Variants in RNF216 observed in about 807,000 individuals in gnomAD.
The protein encoded by RNF216 is E3 ubiquitin-protein ligase RNF216.
A neutral mutation model predicts 110.8 loss-of-function variants in RNF216; 72 were observed. That is an observed-to-expected ratio of 0.65 (90% CI 0.54 to 0.79). RNF216 has a LOEUF of 0.79. Ranked by LOEUF, RNF216 falls within the 30% of genes least tolerant of loss-of-function variation. The pLI, the probability that RNF216 is intolerant of heterozygous loss-of-function variation, is 0.00. For missense variants in RNF216, 1,342 were observed against 1,141.2 expected (o/e 1.18, Z -2.54); for synonymous variants, 495 against 407.5 (o/e 1.21, Z -2.59).
rs189551518 is a variant in RNF216, at chr7:5,780,656, G to C, written c.-70+885C>G. ...GGAGGCAGAGCTTGCAGTGAGCCGGGATCGCGCCACTGCACTCCAGCCTGG... is the reference window on the plus strand; with the variant it reads ...GGAGGCAGAGCTTGCAGTGAGCCGGCATCGCGCCACTGCACTCCAGCCTGG... On this transcript the variant is annotated intron_variant, in intron 1 of 16. Coordinates refer to ENST00000389902, the MANE Select transcript of RNF216 (RefSeq NM_207111.4). Among the ~76,000 whole-genome samples, 230 of 152,008 alleles carry C rather than the reference G, an allele frequency of 1.5e-3. 3 individuals carry two copies. In the East Asian group the frequency reaches 0.033, roughly 22 times the overall value.
intron 2 of RNF216, chr7:5,760,658 C>T (rs987040980): frequency 1.5e-5 from 5 of 341,958 alleles, no homozygotes; most frequent in East Asian, 7.5e-5. Flanking sequence ...GCAACACCTG[C>T]AGTATTTCAG....
At chr7:5,745,547 T>A (rs1173652096) in intron 3 of RNF216, among the ~76,000 whole-genome samples, 1 of 151,810 alleles carries the variant, frequency 6.6e-6, no homozygotes, top group African/African-American at 2.4e-5. Context: ...AAATTAAGAG[T>A]CAACTGAAAA....
chr7:5,638,474 C>G (rs771332201), intron 15 of RNF216, among the ~76,000 whole-genome samples: 13 of 152,108 alleles, frequency 8.5e-5, no homozygotes, highest in Non-Finnish European at 1.9e-4. Flanking sequence ...GATCTGTACA[C>G]AGTAACTGCC....
intron 13 of RNF216, among the ~76,000 whole-genome samples, chr7:5,674,023 A>G (rs940306242): frequency 4.7e-5 from 7 of 150,018 alleles, no homozygotes; most frequent in Non-Finnish European, 7.4e-5. Context: ...CCATGCCTGG[A>G]TAATTTTCAA....
chr7:5,713,754 G>A (rs977066288), intron 11 of RNF216, among the ~76,000 whole-genome samples: 3 of 152,120 alleles, frequency 2.0e-5, no homozygotes, highest in Non-Finnish European at 4.4e-5. Context: ...GGAAAAAGAC[G>A]ACATTTTAAA....
intron 7 of RNF216, among the ~76,000 whole-genome samples, chr7:5,728,531 G>A (rs150686204): frequency 6.6e-6 from 1 of 151,246 alleles, no homozygotes; most frequent in South Asian, 2.1e-4. Flanking sequence ...CCGAGATTAG[G>A]CCACTGCACT....
At chr7:5,781,358 G>T (rs1460147643) in intron 1 of RNF216, among the ~76,000 whole-genome samples, 183 bp downstream of exon 1, 2 of 151,938 alleles carry the variant, frequency 1.3e-5, no homozygotes, top group Non-Finnish European at 2.9e-5. Flanking sequence ...GGCTCGAGAC[G>T]CCCAGCCCAG....
intron 3 of RNF216, among the ~76,000 whole-genome samples, chr7:5,744,051 G>A (rs1036766029): frequency 6.6e-6 from 1 of 152,154 alleles, no homozygotes; most frequent in African/African-American, 2.4e-5. Flanking sequence ...AACAAGAGAA[G>A]TAACAGACAA....
At chr7:5,638,490 T>C (rs940144468) in intron 15 of RNF216, among the ~76,000 whole-genome samples, 2 of 152,192 alleles carry the variant, frequency 1.3e-5, no homozygotes, top group South Asian at 4.1e-4. Context: ...CTGCCCACTA[T>C]GCCCAATTAC....
rs1371312347 is a variant in RNF216, at chr7:5,624,945, C to T, written c.2383-820G>A. On this transcript the variant is annotated intron_variant, in intron 15 of 16. Transcript: ENST00000389902. The surrounding 1 kb of genome is among the most constrained non-coding windows in gnomAD (Gnocchi z 4.4). Reference sequence around the variant, plus strand: ...GGCTGCTGCCTCAGGACAGACCACCCGTGATGCCTGCTTCATGAGTGGCGC... The same window carrying T: ...GGCTGCTGCCTCAGGACAGACCACCTGTGATGCCTGCTTCATGAGTGGCGC... 2.0e-5 allele frequency among the ~76,000 whole-genome samples: 3 copies of T among 152,210 alleles called. No individual in the cohort carries two copies. The highest frequency in any genetic ancestry group is 6.5e-5 in the Admixed American group (1 of 15,274).
At chr7:5,656,044 G>A (rs1159069641) in intron 13 of RNF216, among the ~76,000 whole-genome samples, 4 of 152,122 alleles carry the variant, frequency 2.6e-5, no homozygotes, top group African/African-American at 9.6e-5. Context: ...TGAGGGGAGC[G>A]GATTACCTGA....
intron 13 of RNF216, among the ~76,000 whole-genome samples, chr7:5,684,294 A>G (rs945542777): frequency 6.6e-6 from 1 of 151,598 alleles, no homozygotes; most frequent in African/African-American, 2.4e-5. Flanking sequence ...TTTTTAGTAG[A>G]GACGGGGTTT....
intron 1 of RNF216, among the ~76,000 whole-genome samples, chr7:5,768,931 G>A (rs1296282599): frequency 6.6e-6 from 1 of 151,982 alleles, no homozygotes; most frequent in Non-Finnish European, 1.5e-5. Context: ...AAAGTGCTGG[G>A]ATTACAGGCA....
chr7:5,779,066 A>G (rs1283235823), intron 1 of RNF216, among the ~76,000 whole-genome samples: 2 of 152,262 alleles, frequency 1.3e-5, no homozygotes, highest in Non-Finnish European at 2.9e-5. Flanking sequence ...ATCTTTAACA[A>G]TAATGCAAAT....
intron 3 of RNF216, among the ~76,000 whole-genome samples, chr7:5,748,605 TATACATACAC>T (rs774191532): frequency 0.024 from 2,799 of 115,996 alleles, 31 homozygotes; most frequent in Admixed American, 0.045. Context: ...ATATTTTTTA[TATACATACAC>T]ACACACACAC....
intron 13 of RNF216, among the ~76,000 whole-genome samples, chr7:5,708,408 T>C (rs549815091): frequency 1.3e-5 from 2 of 152,218 alleles, no homozygotes; most frequent in Non-Finnish European, 2.9e-5. Flanking sequence ...TGCACTGATG[T>C]CGGGTGCATA....
intron 1 of RNF216, among the ~76,000 whole-genome samples, chr7:5,768,902 C>T (rs1183469646): frequency 6.6e-6 from 1 of 151,730 alleles, no homozygotes; most frequent in Non-Finnish European, 1.5e-5. Context: ...ACCTCGTGAT[C>T]CACCCGCCTC....
At chr7:5,729,636 T>G in intron 6 of RNF216, 40 bp from the exon 7 acceptor site, 1 of 1,533,246 alleles carries the variant, frequency 6.5e-7, no homozygotes, top group Non-Finnish European at 9.0e-7. Context: ...GGCCAGGCAG[T>G]ACATTTCCCA....
At chr7:5,698,941 C>T (rs1266068318) in intron 13 of RNF216, among the ~76,000 whole-genome samples, 1 of 152,146 alleles carries the variant, frequency 6.6e-6, no homozygotes, top group Non-Finnish European at 1.5e-5. Flanking sequence ...AGGGTCTTTC[C>T]AGTCCCCAAG....
Sources: gnomAD v4.1 joint callset for allele counts (sites outside exome capture counted in the v4.1 genomes callset) on GRCh38, gnomAD v4.1.1 for gene constraint, Gnocchi (gnomAD v3.1) non-coding constraint, MANE v1.5 for transcripts, NCBI Gene and HGNC (gene_info 2026-07-23, HGNC 2026-07-21) for gene names.